Variants in AUH observed in about 807,000 individuals in gnomAD.
The protein encoded by AUH is AU RNA binding methylglutaconyl-CoA hydratase, also known as methylglutaconyl-CoA hydratase, mitochondrial.
Under a neutral mutation model 42.3 loss-of-function variants are expected in AUH, and 29 were observed. That is an observed-to-expected ratio of 0.69 (90% CI 0.51 to 0.93). The LOEUF (loss-of-function observed/expected upper bound fraction) is 0.93. Among genes scored for constraint, AUH ranks in the 40% least tolerant of loss-of-function variants. AUH has a pLI of 0.00. For missense variants in AUH, 452 were observed against 438.1 expected, an observed-to-expected ratio of 1.03 and a Z score of -0.28; for synonymous variants, 174 against 166.4, an observed-to-expected ratio of 1.05 and a Z score of -0.35.
intron 6 of AUH, among the ~76,000 whole-genome samples, chr9:91,256,924 A>T (rs577261477): frequency 6.6e-6 from 1 of 152,112 alleles, no homozygotes; most frequent in Non-Finnish European, 1.5e-5. Flanking sequence ...GACAAAAATA[A>T]CATAGGCTTA....
chr9:91,320,870 C>G (rs1266112604), intron 4 of AUH, among the ~76,000 whole-genome samples: 1 of 152,144 alleles, frequency 6.6e-6, no homozygotes, highest in Non-Finnish European at 1.5e-5. Flanking sequence ...GTTCAAATCA[C>G]TAAAAAATTT....
intron 6 of AUH, among the ~76,000 whole-genome samples, chr9:91,261,146 GCTT>G (rs1360714674): frequency 2.0e-5 from 3 of 151,964 alleles, no homozygotes; most frequent in Non-Finnish European, 4.4e-5. Context: ...GTATTTTCCT[GCTT>G]CATCATCTCT....
At chr9:91,289,948 T>C (rs770233460) in intron 6 of AUH, among the ~76,000 whole-genome samples, 10 of 152,094 alleles carry the variant, frequency 6.6e-5, no homozygotes, top group African/African-American at 9.7e-5. Flanking sequence ...GACCAAAAAT[T>C]CTGTGCATCT....
chr9:91,335,715 T>A (rs1830641974), intron 3 of AUH, among the ~76,000 whole-genome samples: 1 of 152,252 alleles, frequency 6.6e-6, no homozygotes, highest in African/African-American at 2.4e-5. Flanking sequence ...CATTTAGTTC[T>A]GAATGCTTTC....
intron 4 of AUH, among the ~76,000 whole-genome samples, chr9:91,323,768 A>G (rs1222153942): frequency 1.3e-5 from 2 of 152,152 alleles, no homozygotes; most frequent in Admixed American, 1.3e-4. Flanking sequence ...TAAGACCAAG[A>G]AAAGTATAAA....
At chr9:91,231,426 G>A (rs987696196) in intron 6 of AUH, among the ~76,000 whole-genome samples, 23 of 152,146 alleles carry the variant, frequency 1.5e-4, no homozygotes, top group Middle Eastern at 3.2e-3. Context: ...CACACGGTGC[G>A]CGCACCCACT....
chr9:91,297,515 T>C (rs1827442093), intron 5 of AUH, among the ~76,000 whole-genome samples: 1 of 152,082 alleles, frequency 6.6e-6, no homozygotes, highest in South Asian at 2.1e-4. Context: ...AACAGTCATT[T>C]CCCCCATTTC....
rs80320847 is a variant in AUH at position 91,243,518 on chromosome 9, C to T, written c.656-22526G>A. On this transcript the variant is annotated intron_variant, in intron 6 of 9. Coordinates refer to ENST00000375731, the MANE Select transcript of AUH (RefSeq NM_001698.3). ...TGCACAACACTCTGCCTCCTCACTT[C>T]GCTGCAGATCTTCCTCCTCGCTTTC... is the stretch of plus-strand genomic sequence containing the variant. Among the ~76,000 whole-genome samples the T allele has an allele frequency of 9.1e-3, 1,382 of 152,346 alleles. 27 individuals carry two copies. The highest frequency in any genetic ancestry group is 0.032 in the African/African-American group (1,326 of 41,590).
chr9:91,249,875 G>A (rs918760637), intron 6 of AUH, among the ~76,000 whole-genome samples: 7 of 152,126 alleles, frequency 4.6e-5, no homozygotes, highest in Admixed American at 6.5e-5. Context: ...AGCTGGGCAC[G>A]GTGGTGCGTG....
chr9:91,226,008 C>T (rs993499205), intron 6 of AUH, among the ~76,000 whole-genome samples: 2 of 147,398 alleles, frequency 1.4e-5, no homozygotes, highest in African/African-American at 5.0e-5. Context: ...CCGCAATAAA[C>T]ATACGTGTGC....
chr9:91,221,095 G>C (rs576416590), intron 6 of AUH, 103 bp from the exon 7 acceptor site: 1 of 1,296,070 alleles, frequency 7.7e-7, no homozygotes, highest in African/African-American at 1.5e-5. Flanking sequence ...AGGGCCAGAA[G>C]TTTATATGTT....
At chr9:91,344,616 T>C (rs891626717) in intron 3 of AUH, among the ~76,000 whole-genome samples, 1 of 152,196 alleles carries the variant, frequency 6.6e-6, no homozygotes, top group Non-Finnish European at 1.5e-5. Context: ...AGAAACTTCC[T>C]AGACCAAATG....
chr9:91,307,783 G>A (rs1472226957), intron 4 of AUH, among the ~76,000 whole-genome samples: 1 of 152,148 alleles, frequency 6.6e-6, no homozygotes, highest in Non-Finnish European at 1.5e-5. Flanking sequence ...TATATACAGG[G>A]TTTGGTATCA....
chr9:91,261,877 T>C (rs531827564), intron 6 of AUH, among the ~76,000 whole-genome samples: 1 of 152,350 alleles, frequency 6.6e-6, no homozygotes, highest in African/African-American at 2.4e-5. Flanking sequence ...TGTTACTCTG[T>C]TACTTTCTAT....
At position 91,355,953 on chromosome 9, in the gene AUH, A is replaced by G. The variant is rs201180747; in HGVS notation, c.348T>C (p.Asp116=). ...NLIKMLSKAV[D]ALKSDKKVRT... Reference sequence around the variant, plus strand: ...GTACTTTCTTATCAGATTTCAAAGCATCCACAGCTTTTGATAGCTAAACAG... The same window carrying G: ...GTACTTTCTTATCAGATTTCAAAGCGTCCACAGCTTTTGATAGCTAAACAG... The change falls in exon 3 of 10, where the codon GAT becomes GAC. Residue 116 remains aspartate (D), a synonymous_variant. Transcript: ENST00000375731. 1 of 1,613,662 alleles carries G rather than the reference A, an allele frequency of 6.2e-7. No individual in the cohort carries two copies. Among genetic ancestry groups the G allele is most frequent in the African/African-American group, 1.3e-5 (1 of 75,028 alleles).
intron 6 of AUH, among the ~76,000 whole-genome samples, chr9:91,259,493 C>T (rs1247631463): frequency 3.3e-5 from 5 of 151,956 alleles, no homozygotes; most frequent in Non-Finnish European, 7.4e-5. Flanking sequence ...TCTATTTGTG[C>T]ATAACCTATT....
intron 6 of AUH, among the ~76,000 whole-genome samples, chr9:91,261,229 A>C (rs1208537827): frequency 6.6e-6 from 1 of 152,132 alleles, no homozygotes; most frequent in Non-Finnish European, 1.5e-5. Context: ...TATTTCTTCA[A>C]AGCATATTGA....
chr9:91,301,329 T>C (rs981288182), intron 4 of AUH, among the ~76,000 whole-genome samples: 2 of 152,344 alleles, frequency 1.3e-5, no homozygotes, highest in Admixed American at 6.5e-5. Context: ...ACCCTTGGAA[T>C]CTCTGGAGTG....
rs1827103518 is a variant in AUH, at chr9:91,220,989, C to CT, written c.658_659insA (p.Gly220GlufsTer75). On this transcript the variant is annotated frameshift_variant, in exon 7 of 10. Coordinates refer to ENST00000375731, the MANE Select transcript of AUH (RefSeq NM_001698.3). LOFTEE classifies it high-confidence loss of function. ...AATGGCGCGTGGCAATCGCTGTGTC[C>CT]CCCCTGAGGGGTGAAAGAGAGAGAA... The CT allele has an allele frequency of 6.2e-7, 1 of 1,614,090 alleles. No homozygotes were observed.
Sources: gnomAD v4.1 joint callset for allele counts (sites outside exome capture counted in the v4.1 genomes callset) on GRCh38, gnomAD v4.1.1 for gene constraint, MANE v1.5 for transcripts, NCBI Gene and HGNC (gene_info 2026-07-23, HGNC 2026-07-21) for gene names.